The following RSBN1 variants were observed in gnomAD, a reference collection of about 807,000 sequenced individuals.
RSBN1 encodes round spermatid basic protein 1.
Under a neutral mutation model 74.8 loss-of-function variants are expected in RSBN1, and 23 were observed. That is an observed-to-expected ratio of 0.31 (90% CI 0.22 to 0.44). The LOEUF (loss-of-function observed/expected upper bound fraction) is 0.44. RSBN1 is among the 20% of genes least tolerant of loss of function. The pLI is 1.00. For synonymous variants in RSBN1, 407 were observed against 379.6 expected, an observed-to-expected ratio of 1.07 and a Z score of -0.84; for missense variants, 808 against 1,020.9, an observed-to-expected ratio of 0.79 and a Z score of 2.84.
At chr1:113,805,163 T>C (rs1244173514) in intron 1 of RSBN1, among the ~76,000 whole-genome samples, 1 of 152,086 alleles carries the variant, frequency 6.6e-6, no homozygotes, top group Non-Finnish European at 1.5e-5. Flanking sequence ...TCGACCAGGC[T>C]GGAATGCAAG....
intron 1 of RSBN1, among the ~76,000 whole-genome samples, chr1:113,800,783 T>G (rs1660568074): frequency 6.6e-6 from 1 of 151,940 alleles, no homozygotes; most frequent in Non-Finnish European, 1.5e-5. Flanking sequence ...TTATACGAGT[T>G]TCACAAAATT....
rs776148202 is a variant in RSBN1 at position 113,812,079 on chromosome 1, G to A, written c.334C>T (p.Pro112Ser). The A allele has an allele frequency of 6.3e-7, 1 of 1,581,820 alleles. No individual in the cohort carries two copies. Among genetic ancestry groups the A allele is most frequent in the South Asian group, 1.1e-5 (1 of 87,872 alleles). ...RPSQEPPLAP[P>S]HRRRRSRQHP... ...TGGCGGCTGCGACGCCGCCGGTGAG[G>A]GGGAGCGAGAGGGGGCTCCTGGCTC... The change falls in exon 1 of 7, where the codon CCT becomes TCT. Residue 112 changes from proline to serine, a missense_variant. Transcript: ENST00000261441.
At chr1:113,767,326 C>A in intron 5 of RSBN1, 119 bp from the exon 6 acceptor site, 1 of 511,746 alleles carries the variant, frequency 2.0e-6, no homozygotes, top group Non-Finnish European at 3.4e-6. Flanking sequence ...TGCATAGTTT[C>A]TAAGGACTAG....
intron 2 of RSBN1, 73 bp downstream of exon 2, chr1:113,797,290 G>A: frequency 8.4e-7 from 1 of 1,188,578 alleles, no homozygotes; most frequent in Non-Finnish European, 1.2e-6. Context: ...GCTGGTATGT[G>A]CTGTGCGACA....
chr1:113,775,483 A>G (rs1293750228), intron 4 of RSBN1, among the ~76,000 whole-genome samples: 1 of 152,014 alleles, frequency 6.6e-6, no homozygotes, highest in Non-Finnish European at 1.5e-5. Flanking sequence ...CTAGGATTAC[A>G]GGAGCGTGCC....
chr1:113,797,849 T>G lies in RSBN1; in HGVS notation c.891A>C (p.Gln297His), dbSNP rs1240321341. The change falls in exon 2 of 7, where the codon CAA becomes CAC. Residue 297 changes from glutamine (Q) to histidine (H), a missense_variant. Coordinates refer to ENST00000261441, the MANE Select transcript of RSBN1 (RefSeq NM_018364.5). ...RISKEILTQG[Q>H]INSTSGLNKE... ...TATTAAGTCCTGAAGTGCTATTTAT[T>G]TGTCCTTGGGTGAGAATTTCTTTAC... The G allele has an allele frequency of 6.2e-7, 1 of 1,614,110 alleles. No homozygotes were observed. The highest frequency in any genetic ancestry group is 1.1e-5 in the South Asian group (1 of 91,076).
intron 4 of RSBN1, among the ~76,000 whole-genome samples, chr1:113,773,751 T>A (rs1659925667): frequency 6.6e-6 from 1 of 152,188 alleles, no homozygotes; most frequent in Non-Finnish European, 1.5e-5. Context: ...ACGCCTGTAA[T>A]CCCAGCACTT....
rs1557992675 is a variant in RSBN1, at chr1:113,764,364, C to CAT, written c.*1614_*1615dup. ...TTGTAACAGAGAATACATACATATACATATATATAAGGAATAATACAGATT... is the reference window on the plus strand; with the variant it reads ...TTGTAACAGAGAATACATACATATACATATATATATAAGGAATAATACAGATT... On this transcript the variant is annotated 3_prime_UTR_variant, in exon 7 of 7. Coordinates refer to ENST00000261441, the MANE Select transcript of RSBN1 (RefSeq NM_018364.5). 6 of 152,802 alleles carry CAT rather than the reference C, an allele frequency of 3.9e-5. 2 individuals carry two copies. Among genetic ancestry groups the CAT allele is most frequent in the Admixed American group, 3.9e-4 (6 of 15,294 alleles). 9.5% of individuals were successfully genotyped at this position (152,802 alleles called of 1,614,324 possible).
rs1243298360 is a variant in RSBN1 at position 113,795,778 on chromosome 1, A to G, written c.1377+1585T>C. ...AAAAATCAGCAGGGAATATTTCAAGATATTTTCTTTTATTAACTATTTAGA... is the reference window on the plus strand; with the variant it reads ...AAAAATCAGCAGGGAATATTTCAAGGTATTTTCTTTTATTAACTATTTAGA... On this transcript the variant is annotated intron_variant, in intron 2 of 6. Transcript: ENST00000261441. Among the ~76,000 whole-genome samples the G allele has an allele frequency of 5.3e-5, 8 of 152,324 alleles. No individual in the cohort carries two copies. In the South Asian group the frequency reaches 1.2e-3, roughly 24 times the overall value.
chr1:113,789,351 T>C (rs190471491), intron 2 of RSBN1, among the ~76,000 whole-genome samples: 6 of 152,248 alleles, frequency 3.9e-5, no homozygotes, highest in East Asian at 1.9e-4. Flanking sequence ...GAGGGTGGCA[T>C]ACCCCAACTC....
intron 1 of RSBN1, among the ~76,000 whole-genome samples, chr1:113,806,818 C>G (rs1178212754): frequency 8.4e-6 from 1 of 119,090 alleles, no homozygotes. Flanking sequence ...CTGGACAACA[C>G]AGAGAGACCC....
At chr1:113,796,719 C>T (rs1223899638) in intron 2 of RSBN1, among the ~76,000 whole-genome samples, 2 of 152,082 alleles carry the variant, frequency 1.3e-5, no homozygotes, top group South Asian at 2.1e-4. Context: ...TTCTTATTCC[C>T]TAAAATAACT....
Position 113,771,790 on chromosome 1 carries a change from A to G in RSBN1, c.1659-3401T>C, listed in dbSNP as rs571975324. Among the ~76,000 whole-genome samples, 4 of 149,088 alleles carry G rather than the reference A, an allele frequency of 2.7e-5. No homozygotes were observed. The East Asian group carries it at 7.9e-4, about 29-fold the overall frequency. Reference sequence around the variant, plus strand: ...ACAGAAGATATTTAGGATGGTCAAGAAAAGTTTATGTTCCTACCTCAAAAA... The same window carrying G: ...ACAGAAGATATTTAGGATGGTCAAGGAAAGTTTATGTTCCTACCTCAAAAA... On this transcript the variant is annotated intron_variant, in intron 4 of 6. Transcript: ENST00000261441.
Position 113,777,246 on chromosome 1 carries a change from G to A in RSBN1, c.1622C>T (p.Thr541Ile). 6.2e-7 allele frequency: 1 copy of A among 1,613,630 alleles called. No individual in the cohort carries two copies. Among genetic ancestry groups the A allele is most frequent in the Non-Finnish European group, 8.5e-7 (1 of 1,179,692 alleles). ...WVRPGEQMIPTADMPKSPFKR... is the reference protein window; with the variant it reads ...WVRPGEQMIPIADMPKSPFKR... ...GAAGGGTGACTTTGGCATATCTGCT[G>A]TAGGGATCATCTGTTCTCCTGGCCT... Residue 541 changes from threonine (T) to isoleucine (I), a missense_variant, in exon 4 of 7, where the codon ACA (threonine) becomes ATA (isoleucine). Physicochemically the swap from Thr to Ile is moderately conservative, Grantham distance 89. Coordinates refer to ENST00000261441, the MANE Select transcript of RSBN1 (RefSeq NM_018364.5).
In RSBN1 at chr1:113,766,166, A is replaced by G. The variant is rs370806258; in HGVS notation, c.2223T>C (p.Thr741=). The change falls in exon 7 of 7, where the codon ACT becomes ACC. Residue 741 remains threonine (T), a synonymous_variant. Transcript: ENST00000261441. ...EVDSQCVRIK[T]ESEEACTEIQ... Reference sequence around the variant, plus strand: ...TCTCTGTGCATGCTTCTTCAGATTCAGTTTTTATCCTCACACATTGGGAGT... The same window carrying G: ...TCTCTGTGCATGCTTCTTCAGATTCGGTTTTTATCCTCACACATTGGGAGT... 6.8e-6 allele frequency: 11 copies of G among 1,613,982 alleles called. No homozygotes were observed. The highest frequency in any genetic ancestry group is 5.9e-6 in the Non-Finnish European group (7 of 1,179,986).
chr1:113,766,549 T>C, intron 6 of RSBN1, 96 bp from the exon 7 acceptor site: 1 of 775,634 alleles, frequency 1.3e-6, no homozygotes. Flanking sequence ...ACAAAATGTG[T>C]CATAACAATA....
At chr1:113,768,754 T>C (rs1196527486) in intron 4 of RSBN1, among the ~76,000 whole-genome samples, 1 of 1,152 alleles carries the variant, frequency 8.7e-4, no homozygotes, top group Non-Finnish European at 0.036. Context: ...CCTCACACAG[T>C]TAACAAAACT....
chr1:113,788,073 A>C (rs1472041412), intron 2 of RSBN1, among the ~76,000 whole-genome samples: 1 of 152,160 alleles, frequency 6.6e-6, no homozygotes, highest in Non-Finnish European at 1.5e-5. Flanking sequence ...AACAATAGGA[A>C]GTTATTAAAA....
At chr1:113,804,907 T>TAAAAA (rs11406398) in intron 1 of RSBN1, among the ~76,000 whole-genome samples, 2 of 131,450 alleles carry the variant, frequency 1.5e-5, no homozygotes, top group East Asian at 2.3e-4. Context: ...TGGTCAAGAG[T>TAAAAA]AAAAAAAAAA....
Sources: allele counts gnomAD v4.1 joint callset (sites outside exome capture counted in the v4.1 genomes callset), GRCh38; gene constraint gnomAD v4.1.1; transcripts MANE v1.5; gene names NCBI Gene and HGNC (gene_info 2026-07-23, HGNC 2026-07-21).